ATP8A2: variants seen among roughly 807,000 people sequenced by gnomAD.
The protein encoded by ATP8A2 is ATPase phospholipid transporting 8A2, also known as phospholipid-transporting ATPase IB.
Under a neutral mutation model 165.6 loss-of-function variants are expected in ATP8A2, and 100 were observed. That is an observed-to-expected ratio of 0.60 (90% CI 0.51 to 0.71). The LOEUF (loss-of-function observed/expected upper bound fraction) is 0.71, where lower values mean the gene tolerates loss of function less well. ATP8A2 is among the 30% of genes least tolerant of loss of function. ATP8A2 has a pLI of 0.00. For missense variants in ATP8A2, 1,227 were observed against 1,479.5 expected (o/e 0.83, Z 2.80); for synonymous variants, 543 against 548.8 (o/e 0.99, Z 0.15).
intron 1 of ATP8A2, among the ~76,000 whole-genome samples, chr13:25,463,118 T>G (rs1042530833): frequency 9.2e-6 from 1 of 109,010 alleles, no homozygotes; most frequent in Non-Finnish European, 1.9e-5. Flanking sequence ...GGTATTTCTT[T>G]CTGAAGTGTT....
At chr13:25,418,405 T>C (rs532939131) in intron 1 of ATP8A2, among the ~76,000 whole-genome samples, 4 of 152,170 alleles carry the variant, frequency 2.6e-5, no homozygotes, top group African/African-American at 9.6e-5. Flanking sequence ...ACTGAGAAAC[T>C]GTGGTCTCCT....
intron 33 of ATP8A2, among the ~76,000 whole-genome samples, chr13:25,895,057 A>G (rs1208677284): frequency 2.6e-5 from 4 of 152,190 alleles, no homozygotes. Flanking sequence ...CCTGGCCAGA[A>G]CTTCCAACAC....
chr13:25,378,682 A>G (rs2032727782), intron 1 of ATP8A2, among the ~76,000 whole-genome samples: 1 of 152,104 alleles, frequency 6.6e-6, no homozygotes, highest in African/African-American at 2.4e-5. Context: ...GGGTTCCAAA[A>G]CTGCGAGTGA....
At position 25,589,616 on chromosome 13, in the gene ATP8A2, G is replaced by T. The variant is rs776293262; in HGVS notation, c.2147-19G>T. Reference sequence around the variant, plus strand: ...AGAAGGAAAGAGAAATTCACATGTTGTCTCTTCCTCCACTTCAGGGTATTC... The same window carrying T: ...AGAAGGAAAGAGAAATTCACATGTTTTCTCTTCCTCCACTTCAGGGTATTC... On this transcript the variant is annotated intron_variant, in intron 23 of 36. Transcript: ENST00000381655. 2.5e-6 allele frequency: 4 copies of T among 1,593,282 alleles called. No individual in the cohort carries two copies. In the African/African-American group the frequency reaches 5.4e-5, roughly 21 times the overall value.
rs146514391 is a variant in ATP8A2, at chr13:25,790,893, G to A, written c.2679+15934G>A. 2.0e-3 allele frequency among the ~76,000 whole-genome samples: 301 copies of A among 152,190 alleles called. 2 individuals are homozygous for A. Among genetic ancestry groups the A allele is most frequent in the African/African-American group, 6.5e-3 (269 of 41,518 alleles). ...AAGTCAAAAAATAACAGATGTTGGC[G>A]AGGTGGTGGAGAAAAAGGAATGCTT... On this transcript the variant is annotated intron_variant, in intron 27 of 36. Transcript: ENST00000381655.
intron 1 of ATP8A2, among the ~76,000 whole-genome samples, chr13:25,425,811 T>C (rs1360673083): frequency 6.6e-6 from 1 of 152,108 alleles, no homozygotes; most frequent in African/African-American, 2.4e-5. Flanking sequence ...CTCCTGACCT[T>C]GTGATCCGCC....
rs1208901357 is a variant in ATP8A2, at chr13:25,950,608, C to G, written c.3184-10967C>G. 2.0e-5 allele frequency: 3 copies of G among 152,336 alleles called. No homozygotes were observed. The South Asian group carries it at 6.2e-4, about 32-fold the overall frequency. 9.4% of individuals were successfully genotyped at this position (152,336 alleles called of 1,614,324 possible). ...TTACCACCAATTCAAACCAAACACA[C>G]CCCATTCTCTATGTCCTGAATGGAG... is the stretch of plus-strand genomic sequence containing the variant. On this transcript the variant is annotated intron_variant, in intron 33 of 36. Coordinates refer to ENST00000381655, the MANE Select transcript of ATP8A2 (RefSeq NM_016529.6).
intron 33 of ATP8A2, among the ~76,000 whole-genome samples, chr13:25,869,426 G>A (rs889266818): frequency 6.6e-6 from 1 of 152,188 alleles, no homozygotes; most frequent in African/African-American, 2.4e-5. Flanking sequence ...GGATTAAAGT[G>A]ACCCGAATCC....
intron 33 of ATP8A2, among the ~76,000 whole-genome samples, chr13:25,863,824 C>T (rs1026186525): frequency 6.6e-6 from 1 of 152,190 alleles, no homozygotes; most frequent in Non-Finnish European, 1.5e-5. Flanking sequence ...CTTGCATGTC[C>T]TCTAGTGCAT....
intron 27 of ATP8A2, among the ~76,000 whole-genome samples, chr13:25,788,680 A>G (rs1379087510): frequency 6.6e-6 from 1 of 152,232 alleles, no homozygotes; most frequent in Non-Finnish European, 1.5e-5. Flanking sequence ...TGGCTGTTAT[A>G]TATTGCAACT....
intron 25 of ATP8A2, among the ~76,000 whole-genome samples, chr13:25,747,909 A>AT (rs1443063195): frequency 1.2e-4 from 18 of 152,100 alleles, no homozygotes; most frequent in African/African-American, 4.1e-4. Context: ...TTGTTCAGAT[A>AT]TTTTTCTACA....
At chr13:25,936,456 G>C (rs926474051) in intron 33 of ATP8A2, among the ~76,000 whole-genome samples, 9 of 152,300 alleles carry the variant, frequency 5.9e-5, no homozygotes, top group Middle Eastern at 6.8e-3. Context: ...ATGGGCCTGC[G>C]TATCAGGACG....
chr13:26,006,852 TCC>T (rs1956750104), intron 35 of ATP8A2, among the ~76,000 whole-genome samples: 1 of 151,996 alleles, frequency 6.6e-6, no homozygotes, highest in East Asian at 1.9e-4. Flanking sequence ...ACCCTTGCAT[TCC>T]AGGGATAAAT....
chr13:25,501,133 G>A (rs999232619), intron 2 of ATP8A2, among the ~76,000 whole-genome samples: 4 of 152,174 alleles, frequency 2.6e-5, no homozygotes, highest in African/African-American at 9.7e-5. Context: ...GAAGTCATGT[G>A]TTTAAAAATG....
At chr13:25,958,970 GATACATT>G (rs1480578933) in intron 33 of ATP8A2, among the ~76,000 whole-genome samples, 2 of 152,080 alleles carry the variant, frequency 1.3e-5, no homozygotes, top group African/African-American at 2.4e-5. Context: ...TATTTTAAAT[GATACATT>G]ATGTAAAGTC....
chr13:25,759,272 G>A (rs1398447010), intron 25 of ATP8A2, among the ~76,000 whole-genome samples: 2 of 152,174 alleles, frequency 1.3e-5, no homozygotes, highest in Non-Finnish European at 2.9e-5. Context: ...CTGTGCACAG[G>A]TGATGGGTGA....
At chr13:25,808,566 T>C (rs1207198415) in intron 27 of ATP8A2, among the ~76,000 whole-genome samples, 4 of 149,814 alleles carry the variant, frequency 2.7e-5, no homozygotes, top group African/African-American at 9.8e-5. Flanking sequence ...GCCACTGCAC[T>C]CCAGCCTGGG....
chr13:25,414,603 G>A (rs184205243), intron 1 of ATP8A2, among the ~76,000 whole-genome samples: 18 of 152,320 alleles, frequency 1.2e-4, no homozygotes, highest in East Asian at 5.8e-4. Context: ...AGTCTGGAAC[G>A]TCATACTAAC....
At chr13:25,762,446 T>G (rs748233836) in intron 25 of ATP8A2, among the ~76,000 whole-genome samples, 4 of 152,156 alleles carry the variant, frequency 2.6e-5, no homozygotes, top group African/African-American at 4.8e-5. Flanking sequence ...CCATGAGTGA[T>G]GCATTTAGAT....
Sources: allele counts gnomAD v4.1 joint callset (sites outside exome capture counted in the v4.1 genomes callset), GRCh38; gene constraint gnomAD v4.1.1; transcripts MANE v1.5; gene names NCBI Gene and HGNC (gene_info 2026-07-23, HGNC 2026-07-21).